Variants in RNF220 observed in about 807,000 individuals in gnomAD.
The protein encoded by RNF220 is E3 ubiquitin-protein ligase RNF220.
In RNF220, 7 loss-of-function variants were observed where a neutral mutation model predicts 67.1. The observed-to-expected ratio is 0.10, with a 90% CI of 0.06 to 0.20. RNF220 has a LOEUF of 0.20. Among genes scored for constraint, RNF220 ranks in the 10% least tolerant of loss-of-function variants. The pLI is 1.00. For synonymous variants in RNF220, 270 were observed against 283.2 expected (o/e 0.95, Z 0.47); for missense variants, 565 against 740.3 (o/e 0.76, Z 2.75).
intron 2 of RNF220, among the ~76,000 whole-genome samples, chr1:44,524,044 C>G (rs1349860356): frequency 1.3e-5 from 2 of 151,970 alleles, no homozygotes; most frequent in African/African-American, 4.8e-5. Context: ...GGGGGAGACT[C>G]CCCCTGCCAC....
intron 2 of RNF220, among the ~76,000 whole-genome samples, chr1:44,413,200 T>C (rs907790654): frequency 6.6e-6 from 1 of 152,204 alleles, no homozygotes; most frequent in South Asian, 2.1e-4. Context: ...TTCACAACTC[T>C]CAGCCCTTGT....
In RNF220 at chr1:44,636,303, C is replaced by T. The variant is rs899632510; in HGVS notation, c.1126+141C>T. The T allele has an allele frequency of 8.4e-6, 9 of 1,065,558 alleles. No individual in the cohort carries two copies. In the African/African-American group the frequency reaches 9.4e-5, roughly 11 times the overall value. 66.0% of individuals were successfully genotyped at this position (1,065,558 alleles called of 1,614,324 possible). A position where few individuals can be genotyped will look rare whatever the true frequency, so the allele number is the denominator to read the frequency against. Reference sequence around the variant, plus strand: ...CGTGGGGACTGCTGCTGGTGGGGCTCCTTTGTGACCGTGCTGCCTGCCTGT... The same window carrying T: ...CGTGGGGACTGCTGCTGGTGGGGCTTCTTTGTGACCGTGCTGCCTGCCTGT... On this transcript the variant is annotated intron_variant, in intron 8 of 14. Coordinates refer to ENST00000361799, the MANE Select transcript of RNF220 (RefSeq NM_018150.4).
At chr1:44,647,924 C>T (rs1041473327) in intron 12 of RNF220, among the ~76,000 whole-genome samples, 2 of 152,316 alleles carry the variant, frequency 1.3e-5, no homozygotes, top group African/African-American at 2.4e-5. Flanking sequence ...TTCGTACCCC[C>T]ACTCTTCCAG....
rs903550699 is a variant in RNF220, at chr1:44,600,235, G to A, written c.626-13930G>A. Among the ~76,000 whole-genome samples, 1 of 152,208 alleles carries A rather than the reference G, an allele frequency of 6.6e-6. No individual in the cohort carries two copies. Among genetic ancestry groups the A allele is most frequent in the Non-Finnish European group, 1.5e-5 (1 of 68,048 alleles). On this transcript the variant is annotated intron_variant, in intron 2 of 14. Coordinates refer to ENST00000361799, the MANE Select transcript of RNF220 (RefSeq NM_018150.4). The surrounding 1 kb of genome is among the most constrained non-coding windows in gnomAD (Gnocchi z 4.0). ...CATGTTGAGCTTAAAGAGCCTATGG[G>A]ACATCCAAGCAGAGCATCTTCTACG...
intron 2 of RNF220, among the ~76,000 whole-genome samples, chr1:44,413,965 A>G (rs911709019): frequency 6.6e-6 from 1 of 152,264 alleles, no homozygotes; most frequent in African/African-American, 2.4e-5. Context: ...AAAAGTCATC[A>G]TAAAATCAAC....
chr1:44,607,479 G>A (rs1242376886), intron 2 of RNF220, among the ~76,000 whole-genome samples: 1 of 131,632 alleles, frequency 7.6e-6, no homozygotes, highest in Non-Finnish European at 1.6e-5. Context: ...CTTCAAATGT[G>A]CTGTTTTCTT....
intron 2 of RNF220, among the ~76,000 whole-genome samples, chr1:44,567,434 C>T (rs1322512540): frequency 6.6e-6 from 1 of 152,106 alleles, no homozygotes; most frequent in Non-Finnish European, 1.5e-5. Context: ...GACCTTTTCT[C>T]CTGCTCCAGG....
chr1:44,568,352 TTA>T (rs2148310473), intron 2 of RNF220, among the ~76,000 whole-genome samples: 1 of 152,320 alleles, frequency 6.6e-6, no homozygotes, highest in South Asian at 2.1e-4. Context: ...CTCACATGTA[TTA>T]TCTCACATAG....
Position 44,534,288 on chromosome 1 carries a change from AT to A in RNF220, c.626-79867del, listed in dbSNP as rs562260760. ...AGCCATTGCACCTGGCCTGAGCTTGATTTTTTTTTTACATTTCTATTATTAT... is the reference window on the plus strand; with the variant it reads ...AGCCATTGCACCTGGCCTGAGCTTGATTTTTTTTTACATTTCTATTATTAT... On this transcript the variant is annotated intron_variant, in intron 2 of 14. Transcript: ENST00000361799. Among the ~76,000 whole-genome samples the A allele has an allele frequency of 5.4e-4, 79 of 147,634 alleles. 1 individual carries two copies. The South Asian group carries it at 8.5e-3, about 16-fold the overall frequency.
At position 44,632,400 on chromosome 1, in the gene RNF220, GCCCCTCCCTCCGCCCCAC is replaced by G. The variant is rs1468420599; in HGVS notation, c.949+20_949+37del. ...CCGACTGAATGGTGAGTCCTGCCCG[GCCCCTCCCTCCGCCCCAC>G]CCCCGGCCTCCTCCCTCCCTCCCTC... On this transcript the variant is annotated intron_variant, in intron 6 of 14. Transcript: ENST00000361799. 1.9e-6 allele frequency: 3 copies of G among 1,607,382 alleles called. No individual in the cohort carries two copies. Among genetic ancestry groups the G allele is most frequent in the Non-Finnish European group, 2.5e-6 (3 of 1,177,524 alleles).
intron 2 of RNF220, among the ~76,000 whole-genome samples, chr1:44,491,817 C>A (rs553554862): frequency 6.6e-6 from 1 of 152,268 alleles, no homozygotes; most frequent in African/African-American, 2.4e-5. Flanking sequence ...GTGCACACCA[C>A]CACGCCCGGC....
Position 44,651,283 on chromosome 1 carries a change from G to A in RNF220, c.*508G>A. 1 of 179,208 alleles carries A rather than the reference G, an allele frequency of 5.6e-6. No individual in the cohort carries two copies. Among genetic ancestry groups the A allele is most frequent in the South Asian group, 1.2e-4 (1 of 8,144 alleles). The allele number at this position is 179,208 out of a possible 1,614,324, so 11.1% of individuals were successfully genotyped here. A position where few individuals can be genotyped will look rare whatever the true frequency, so the allele number is the denominator to read the frequency against. ...AGCAGCGCCTCCTTCAGGGTTGGCTGGGAGCTCGGCCCATCCACCTCTTGG... is the reference window on the plus strand; with the variant it reads ...AGCAGCGCCTCCTTCAGGGTTGGCTAGGAGCTCGGCCCATCCACCTCTTGG... On this transcript the variant is annotated 3_prime_UTR_variant, in exon 15 of 15. Transcript: ENST00000361799.
intron 2 of RNF220, among the ~76,000 whole-genome samples, chr1:44,587,117 A>C (rs1572961803): frequency 1.4e-5 from 2 of 141,500 alleles, no homozygotes; most frequent in African/African-American, 5.3e-5. Flanking sequence ...TTGAAATTCC[A>C]CTATTGTATC....
intron 2 of RNF220, among the ~76,000 whole-genome samples, chr1:44,501,293 A>C (rs1009744603): frequency 6.6e-6 from 1 of 151,622 alleles, no homozygotes; most frequent in Non-Finnish European, 1.5e-5. Context: ...GAGGCCCTGG[A>C]AAGTTTTTGA....
At chr1:44,541,663 G>A (rs1433604031) in intron 2 of RNF220, among the ~76,000 whole-genome samples, 14 of 152,072 alleles carry the variant, frequency 9.2e-5, no homozygotes, top group African/African-American at 2.2e-4. Context: ...TTTCTGTTCC[G>A]GACGGTCATC....
At chr1:44,458,414 A>T (rs1046272622) in intron 2 of RNF220, among the ~76,000 whole-genome samples, 9 of 150,554 alleles carry the variant, frequency 6.0e-5, no homozygotes, top group Non-Finnish European at 1.0e-4. Context: ...CAAATCCTGG[A>T]TGTACCATTT....
chr1:44,632,266 G>A, intron 5 of RNF220, 77 bp from the exon 6 acceptor site: 1 of 1,613,718 alleles, frequency 6.2e-7, no homozygotes, highest in Non-Finnish European at 8.5e-7. Context: ...GTCCGGTGCT[G>A]GGGCGGGGGC....
chr1:44,614,065 T>A (rs1182145762), intron 2 of RNF220, 100 bp from the exon 3 acceptor site: 14 of 1,532,632 alleles, frequency 9.1e-6, no homozygotes, highest in Non-Finnish European at 1.2e-5. Flanking sequence ...CAAGAAGCCC[T>A]AGAGGGCAGC....
rs12125914 is a variant in RNF220 at position 44,472,427 on chromosome 1, G to A, written c.625+59705G>A. On this transcript the variant is annotated intron_variant, in intron 2 of 14. Transcript: ENST00000361799. ...GTTTTGTTTGGGATTTTAAAAAATA[G>A]CCATCCTAGTGGGTGTAAAGCAATA... Among the ~76,000 whole-genome samples, 3 of 152,244 alleles carry A rather than the reference G, an allele frequency of 2.0e-5. No individual in the cohort carries two copies. In the East Asian group the frequency reaches 5.8e-4, roughly 29 times the overall value.
Sources: gnomAD v4.1 joint callset for allele counts (sites outside exome capture counted in the v4.1 genomes callset) on GRCh38, gnomAD v4.1.1 for gene constraint, Gnocchi (gnomAD v3.1) non-coding constraint, MANE v1.5 for transcripts, NCBI Gene and HGNC (gene_info 2026-07-23, HGNC 2026-07-21) for gene names.